PAK4: variants seen among roughly 807,000 people sequenced by gnomAD.
PAK4 encodes serine/threonine-protein kinase PAK 4.
Under a neutral mutation model 53.5 loss-of-function variants are expected in PAK4, and 49 were observed. That is an observed-to-expected ratio of 0.92 (90% confidence interval 0.73 to 1.16). The LOEUF (loss-of-function observed/expected upper bound fraction) is 1.16. Ranked by LOEUF, PAK4 falls within the 50% of genes most tolerant of loss-of-function variation. The probability of loss-of-function intolerance (pLI) is 0.00; values close to 1 mark genes in which losing one functional copy is unlikely to be tolerated. For synonymous variants in PAK4, 376 were observed against 375.6 expected (o/e 1.00, Z -0.01); for missense variants, 824 against 850.7 (o/e 0.97, Z 0.39).
chr19:39,178,525 G>A lies in PAK4; in HGVS notation c.1722G>A (p.Lys574=). The change falls in exon 9 of 9, where the codon AAG becomes AAA. Residue 574 remains lysine (K), a synonymous_variant. Transcript: ENST00000358301. The surrounding 1 kb of genome is among the most constrained non-coding windows in gnomAD (Gnocchi z 4.4). ...TGCTGAAGCACCCATTCCTGGCCAA[G>A]GCAGGGCCGCCTGCCAGCATCGTGC... The A allele has an allele frequency of 6.2e-7, 1 of 1,611,418 alleles. No homozygotes were observed. Among genetic ancestry groups the A allele is most frequent in the South Asian group, 1.1e-5 (1 of 90,990 alleles).
At chr19:39,158,278 C>T (rs148927703) in intron 1 of PAK4, among the ~76,000 whole-genome samples, 4 of 152,304 alleles carry the variant, frequency 2.6e-5, no homozygotes, top group South Asian at 2.1e-4. Flanking sequence ...GGGATGGCTT[C>T]GCTCGCTGCT....
intron 1 of PAK4, among the ~76,000 whole-genome samples, chr19:39,150,238 G>A (rs578252167): frequency 5.5e-4 from 83 of 152,228 alleles, no homozygotes; most frequent in African/African-American, 2.0e-3. Flanking sequence ...CTGGGAGAGG[G>A]ATTCCTCTGG....
intron 1 of PAK4, among the ~76,000 whole-genome samples, chr19:39,128,828 A>T (rs755257705): frequency 3.9e-5 from 6 of 152,168 alleles, no homozygotes; most frequent in Non-Finnish European, 8.8e-5. Flanking sequence ...CCAACAGTAG[A>T]GCAACAGCTC....
chr19:39,149,762 A>G (rs1028839675), intron 1 of PAK4, among the ~76,000 whole-genome samples: 2 of 152,204 alleles, frequency 1.3e-5, no homozygotes, highest in African/African-American at 4.8e-5. Flanking sequence ...AGGCTGAGGC[A>G]TGAGAATGGC....
chr19:39,157,011 C>T (rs1322887968), intron 1 of PAK4, among the ~76,000 whole-genome samples: 1 of 152,108 alleles, frequency 6.6e-6, no homozygotes, highest in Non-Finnish European at 1.5e-5. Context: ...TGCGAGATGG[C>T]AGGTGCCTGT....
intron 1 of PAK4, among the ~76,000 whole-genome samples, chr19:39,144,826 AGAAAT>A (rs945367070): frequency 6.6e-6 from 1 of 152,266 alleles, no homozygotes; most frequent in East Asian, 1.9e-4. Context: ...GAGACGGTAA[AGAAAT>A]GAGGAGAGAC....
chr19:39,128,078 C>G (rs574299078), intron 1 of PAK4, among the ~76,000 whole-genome samples: 2 of 152,300 alleles, frequency 1.3e-5, no homozygotes, highest in African/African-American at 4.8e-5. Context: ...ATTCAGAAAG[C>G]AGTGCTGGGC....
rs1016492697 is a variant in PAK4, at chr19:39,176,863, T to C, written c.1485+148T>C. 8.7e-6 allele frequency: 8 copies of C among 921,994 alleles called. No individual in the cohort carries two copies. In the South Asian group the frequency reaches 9.9e-5, roughly 11 times the overall value. 57.1% of individuals were successfully genotyped at this position (921,994 alleles called of 1,614,324 possible). On this transcript the variant is annotated intron_variant, in intron 7 of 8. Transcript: ENST00000358301. ...CAAGGAGGTACTGCAGGCATGCATG[T>C]ATTCATTCTTCTTTTTTTTTTTTGA...
chr19:39,150,337 G>A (rs527845136), intron 1 of PAK4, among the ~76,000 whole-genome samples: 8 of 152,262 alleles, frequency 5.3e-5, no homozygotes, highest in Non-Finnish European at 7.4e-5. Flanking sequence ...AGGGTTCCGC[G>A]TGTAGAAGAT....
intron 1 of PAK4, among the ~76,000 whole-genome samples, chr19:39,156,213 TTGGTCGGGG>T (rs2074177732): frequency 6.6e-6 from 1 of 152,136 alleles, no homozygotes; most frequent in African/African-American, 2.4e-5. Context: ...AATCCCAGCC[TTGGTCGGGG>T]TGGAGGAGAA....
At chr19:39,127,226 A>G (rs1327070775) in intron 1 of PAK4, among the ~76,000 whole-genome samples, 1 of 151,836 alleles carries the variant, frequency 6.6e-6, no homozygotes, top group Non-Finnish European at 1.5e-5. Flanking sequence ...CTAAGCTCTC[A>G]CTGTGGTCCT....
intron 1 of PAK4, among the ~76,000 whole-genome samples, chr19:39,139,258 G>A (rs368604735): frequency 5.1e-4 from 75 of 148,130 alleles, no homozygotes; most frequent in African/African-American, 1.5e-3. Flanking sequence ...GTGATCAGCC[G>A]CACGGCCCCT....
At chr19:39,129,262 G>C (rs1182366834) in intron 1 of PAK4, among the ~76,000 whole-genome samples, 1 of 151,934 alleles carries the variant, frequency 6.6e-6, no homozygotes, top group Non-Finnish European at 1.5e-5. Flanking sequence ...GTGTAGGCCT[G>C]GGACAGGCCA....
intron 1 of PAK4, among the ~76,000 whole-genome samples, chr19:39,139,762 G>A (rs755163493): frequency 1.4e-4 from 21 of 152,192 alleles, no homozygotes; most frequent in Non-Finnish European, 2.2e-4. Flanking sequence ...GGGAGGCACT[G>A]CAGGGGCCCA....
rs1255424556 is a variant in PAK4, at chr19:39,175,694, C to G, written c.1359+256C>G. On this transcript the variant is annotated intron_variant, in intron 6 of 8. Coordinates refer to ENST00000358301, the Ensembl canonical transcript of PAK4. This position sits in a 1 kb window ranked among gnomAD's most constrained non-coding sequence, Gnocchi z 4.7. ...GGACACTGGGCCCAGGGGCAGGGAT[C>G]TGGGCAGACAGCGCAGCCCCCGCCA... Among the ~76,000 whole-genome samples, 3 of 152,134 alleles carry G rather than the reference C, an allele frequency of 2.0e-5. No homozygotes were observed. Among genetic ancestry groups the G allele is most frequent in the Non-Finnish European group, 4.4e-5 (3 of 68,008 alleles).
chr19:39,174,057 C>T, intron 4 of PAK4, 47 bp downstream of exon 5: 1 of 1,124,186 alleles, frequency 8.9e-7, no homozygotes, highest in Non-Finnish European at 1.2e-6. Flanking sequence ...CCCACCCCTC[C>T]CTCCCACCCT....
chr19:39,173,628 TC>T lies in PAK4; in HGVS notation c.721del (p.Gln241SerfsTer128). 6.5e-7 allele frequency: 1 copy of T among 1,545,948 alleles called. No individual in the cohort carries two copies. The highest frequency in any genetic ancestry group is 1.2e-5 in the South Asian group (1 of 80,116). The stretch of plus-strand genomic sequence containing the variant: ...GGGCCATCAGCGGGGGGCCTGGCCA[TC>T]CCCCAGTCCTCCTCCTCCTCCTCCC... On this transcript the variant is annotated frameshift_variant, in exon 4 of 9. Transcript: ENST00000358301. LOFTEE classifies it high-confidence loss of function. This position sits in a 1 kb window ranked among gnomAD's most constrained non-coding sequence, Gnocchi z 6.9.
chr19:39,163,858 C>T (rs373054170), intron 1 of PAK4, among the ~76,000 whole-genome samples: 2 of 152,124 alleles, frequency 1.3e-5, no homozygotes, highest in South Asian at 2.1e-4. Context: ...AATAATGCAG[C>T]GGACAGGGAC....
At chr19:39,126,848 C>A (rs1324544084) in intron 1 of PAK4, among the ~76,000 whole-genome samples, 1 of 152,184 alleles carries the variant, frequency 6.6e-6, no homozygotes, top group Non-Finnish European at 1.5e-5. Context: ...TCAAGATGAA[C>A]CTACTTTACA....
Sources: allele counts gnomAD v4.1 joint callset (sites outside exome capture counted in the v4.1 genomes callset), GRCh38; gene constraint gnomAD v4.1.1; non-coding constraint Gnocchi (gnomAD v3.1); transcripts MANE v1.5; gene names NCBI Gene and HGNC (gene_info 2026-07-23, HGNC 2026-07-21).